TSHZ2: variants seen among roughly 807,000 people sequenced by gnomAD.
TSHZ2 encodes teashirt homolog 2.
Under a neutral mutation model 74.4 loss-of-function variants are expected in TSHZ2, and 21 were observed. That is an observed-to-expected ratio of 0.28 (90% CI 0.20 to 0.41). TSHZ2 has a LOEUF of 0.41. TSHZ2 is among the 10% of genes least tolerant of loss of function. The probability of loss-of-function intolerance (pLI) is 1.00; values close to 1 mark genes in which losing one functional copy is unlikely to be tolerated. For synonymous variants in TSHZ2, 540 were observed against 515.3 expected, an observed-to-expected ratio of 1.05 and a Z score of -0.65; for missense variants, 1,244 against 1,293.5, an observed-to-expected ratio of 0.96 and a Z score of 0.59.
intron 1 of TSHZ2, among the ~76,000 whole-genome samples, chr20:53,077,246 C>A (rs996509560): frequency 2.4e-4 from 21 of 86,314 alleles, no homozygotes; most frequent in Admixed American, 2.1e-3. Context: ...AACCCTGTAT[C>A]TACTAAAATA....
intron 2 of TSHZ2, among the ~76,000 whole-genome samples, chr20:53,321,778 C>T (rs991564106): frequency 4.6e-5 from 7 of 151,740 alleles, no homozygotes; most frequent in Admixed American, 2.0e-4. Flanking sequence ...AGTCTGATGC[C>T]TCATCTAAAG....
intron 1 of TSHZ2, among the ~76,000 whole-genome samples, chr20:53,237,520 T>TGTGTGC (rs1989968375): frequency 1.3e-5 from 2 of 152,000 alleles, no homozygotes; most frequent in African/African-American, 4.8e-5. Context: ...TGTGTGTGTG[T>TGTGTGC]GTGTGTGCGC....
chr20:53,031,886 A>G (rs1302084047), intron 1 of TSHZ2, among the ~76,000 whole-genome samples: 2 of 151,954 alleles, frequency 1.3e-5, no homozygotes, highest in South Asian at 4.2e-4. Flanking sequence ...ATCCATGTGC[A>G]GCATGATTAG....
intron 1 of TSHZ2, among the ~76,000 whole-genome samples, chr20:52,980,052 ACTCT>A (rs1342555166): frequency 6.6e-6 from 1 of 151,880 alleles, no homozygotes; most frequent in Admixed American, 6.6e-5. Context: ...GACTAATGAA[ACTCT>A]CTCTGGACAC....
At chr20:52,999,105 C>T (rs550704102) in intron 1 of TSHZ2, among the ~76,000 whole-genome samples, 10 of 54,018 alleles carry the variant, frequency 1.9e-4, no homozygotes, top group African/African-American at 5.1e-4. Context: ...CTCTTCACTG[C>T]CACATTCCAC....
At chr20:53,352,889 C>T (rs1178049883) in intron 2 of TSHZ2, among the ~76,000 whole-genome samples, 3 of 151,764 alleles carry the variant, frequency 2.0e-5, no homozygotes, top group Non-Finnish European at 4.4e-5. Flanking sequence ...TAAAAATTGA[C>T]TCACATGGGC....
intron 2 of TSHZ2, among the ~76,000 whole-genome samples, chr20:53,442,211 C>T (rs1984361412): frequency 6.6e-6 from 1 of 152,156 alleles, no homozygotes; most frequent in Non-Finnish European, 1.5e-5. Flanking sequence ...GGAGACAGTT[C>T]TGTACCCATA....
chr20:53,056,200 G>C (rs141628962), intron 1 of TSHZ2, among the ~76,000 whole-genome samples: 14 of 152,288 alleles, frequency 9.2e-5, no homozygotes, highest in African/African-American at 2.6e-4. Flanking sequence ...TCTTATAGCA[G>C]AGAGGGCTCC....
chr20:53,132,582 G>A (rs1987133093), intron 1 of TSHZ2, among the ~76,000 whole-genome samples: 1 of 152,002 alleles, frequency 6.6e-6, no homozygotes, highest in African/African-American at 2.4e-5. Flanking sequence ...ACCCAACCCT[G>A]CCCATAATTT....
intron 2 of TSHZ2, among the ~76,000 whole-genome samples, chr20:53,273,585 A>G (rs6022366): frequency 0.33 from 50,380 of 152,132 alleles, 11,287 homozygotes; most frequent in African/African-American, 0.64. Flanking sequence ...CACCACGCCC[A>G]GCCTACTTTC....
Position 53,253,496 on chromosome 20 carries a change from C to T in TSHZ2, c.41-3C>T. 6.3e-7 allele frequency: 1 copy of T among 1,592,842 alleles called. No individual in the cohort carries two copies. The highest frequency in any genetic ancestry group is 8.6e-7 in the Non-Finnish European group (1 of 1,169,538). ...CGTTTCATCTCTTCTTCTTCTCTTG[C>T]AGGCTACGCCCAGGAGGAACAGCTG... On this transcript the variant is annotated splice_region_variant and splice_polypyrimidine_tract_variant and intron_variant, in intron 1 of 2. Transcript: ENST00000371497.
chr20:53,385,033 A>G (rs1046698172), intron 2 of TSHZ2, among the ~76,000 whole-genome samples: 23 of 152,188 alleles, frequency 1.5e-4, no homozygotes, highest in Non-Finnish European at 2.5e-4. Context: ...AGGCAGGAGA[A>G]TGGCGTGAAC....
chr20:53,306,982 C>A (rs1261177855), intron 2 of TSHZ2, among the ~76,000 whole-genome samples: 1 of 152,160 alleles, frequency 6.6e-6, no homozygotes, highest in Non-Finnish European at 1.5e-5. Flanking sequence ...TAATTGCTGT[C>A]AATTTATACA....
intron 2 of TSHZ2, among the ~76,000 whole-genome samples, chr20:53,473,359 G>A (rs1462482825): frequency 4.9e-5 from 7 of 142,802 alleles, no homozygotes; most frequent in Admixed American, 2.8e-4. Context: ...CCTGACCCCC[G>A]AGCAGCCTAA....
intron 2 of TSHZ2, among the ~76,000 whole-genome samples, chr20:53,288,969 C>T (rs1991227410): frequency 1.3e-5 from 2 of 152,082 alleles, no homozygotes. Context: ...CTCACCACCC[C>T]CCACCCTTTG....
At chr20:53,383,239 G>A (rs920632055) in intron 2 of TSHZ2, among the ~76,000 whole-genome samples, 2 of 150,996 alleles carry the variant, frequency 1.3e-5, no homozygotes, top group Admixed American at 6.6e-5. Flanking sequence ...CTCAAGCCTG[G>A]GCAACAAAGA....
chr20:53,181,574 G>A (rs1195741323), intron 1 of TSHZ2, among the ~76,000 whole-genome samples: 3 of 152,302 alleles, frequency 2.0e-5, no homozygotes, highest in East Asian at 3.9e-4. Context: ...GGAGTAGGGG[G>A]TCGTTGCTTT....
intron 1 of TSHZ2, among the ~76,000 whole-genome samples, chr20:53,118,455 G>T (rs969858985): frequency 5.3e-5 from 8 of 152,148 alleles, no homozygotes; most frequent in Admixed American, 5.2e-4. Flanking sequence ...AGTGAGGAAA[G>T]CAGGACAGGG....
At chr20:53,382,227 T>A (rs9647023) in intron 2 of TSHZ2, among the ~76,000 whole-genome samples, 23,388 of 152,144 alleles carry the variant, frequency 0.15, 2,347 homozygotes, top group South Asian at 0.34. Context: ...AAGAGGCTCT[T>A]TTTCCTCCCC....
Sources: gnomAD v4.1 joint callset for allele counts (sites outside exome capture counted in the v4.1 genomes callset) on GRCh38, gnomAD v4.1.1 for gene constraint, MANE v1.5 for transcripts, NCBI Gene and HGNC (gene_info 2026-07-23, HGNC 2026-07-21) for gene names.